The following ARHGAP10 variants were observed in gnomAD, a reference collection of about 807,000 sequenced individuals.
ARHGAP10 encodes the protein rho GTPase-activating protein 10.
Under a neutral mutation model 108.6 loss-of-function variants are expected in ARHGAP10, and 87 were observed. The observed-to-expected ratio is 0.80, with a 90% CI of 0.67 to 0.96. The LOEUF (loss-of-function observed/expected upper bound fraction) is 0.96, where lower values mean the gene tolerates loss of function less well. ARHGAP10 is among the 40% of genes least tolerant of loss of function. The pLI is 0.00. For missense variants in ARHGAP10, 939 were observed against 954.5 expected (o/e 0.98, Z 0.21); for synonymous variants, 347 against 341.1 (o/e 1.02, Z -0.19).
intron 13 of ARHGAP10, among the ~76,000 whole-genome samples, chr4:147,930,202 G>C (rs566263468): frequency 1.3e-5 from 2 of 152,214 alleles, no homozygotes; most frequent in African/African-American, 2.4e-5. Context: ...TATTTCTGTA[G>C]AATCATACGG....
intron 10 of ARHGAP10, among the ~76,000 whole-genome samples, chr4:147,898,839 G>C (rs1401335714): frequency 7.0e-6 from 1 of 142,882 alleles, no homozygotes; most frequent in African/African-American, 2.5e-5. Context: ...GGTGGGGTGG[G>C]ATGGGTTGAG....
intron 13 of ARHGAP10, among the ~76,000 whole-genome samples, chr4:147,914,556 T>TCCCC (rs33937677): frequency 4.2e-5 from 5 of 120,120 alleles, no homozygotes; most frequent in African/African-American, 9.5e-5. Context: ...TGTTCTGCGC[T>TCCCC]CCCCCCCCCC....
intron 20 of ARHGAP10, 29 bp downstream of exon 20, chr4:148,047,080 G>A (rs376124857): frequency 2.6e-5 from 42 of 1,610,786 alleles, no homozygotes; most frequent in Middle Eastern, 3.3e-4. Context: ...GTTGGGTGCT[G>A]AAGGGTGGAA....
chr4:147,873,752 G>A (rs1041493130), intron 7 of ARHGAP10, among the ~76,000 whole-genome samples: 1 of 132,802 alleles, frequency 7.5e-6, no homozygotes, highest in Non-Finnish European at 1.7e-5. Context: ...GTGTGCGCCT[G>A]TAGTCCCAGT....
chr4:147,847,358 C>CA (rs1733677593), intron 4 of ARHGAP10, 136 bp downstream of exon 4: 2 of 817,548 alleles, frequency 2.4e-6, no homozygotes, highest in Non-Finnish European at 3.8e-6. Flanking sequence ...TGTGCTTTTC[C>CA]CCCTTTGGGG....
intron 18 of ARHGAP10, among the ~76,000 whole-genome samples, chr4:148,006,480 T>C (rs2149650194): frequency 6.6e-6 from 1 of 152,312 alleles, no homozygotes; most frequent in Non-Finnish European, 1.5e-5. Flanking sequence ...CATGCCCACA[T>C]TCCCAAGCCA....
chr4:147,956,038 T>A (rs922728419), intron 16 of ARHGAP10, among the ~76,000 whole-genome samples: 1 of 152,160 alleles, frequency 6.6e-6, no homozygotes, highest in African/African-American at 2.4e-5. Flanking sequence ...CATAGTCTTC[T>A]GAAGTACACT....
At chr4:147,766,098 T>C (rs1560746230) in intron 1 of ARHGAP10, among the ~76,000 whole-genome samples, 1 of 152,052 alleles carries the variant, frequency 6.6e-6, no homozygotes, top group Admixed American at 6.6e-5. Context: ...CTGGCCAACA[T>C]GGTGAAACCC....
chr4:147,938,821 C>T (rs1738051870), intron 13 of ARHGAP10, among the ~76,000 whole-genome samples: 1 of 152,180 alleles, frequency 6.6e-6, no homozygotes, highest in Admixed American at 6.5e-5. Flanking sequence ...AAAATAAACA[C>T]ACAGCCAGAA....
In ARHGAP10 at chr4:147,881,946, A is replaced by C; in HGVS notation, c.1034+14A>C. ...AGCTGCTGATCGGTAAGTTATTGGA[A>C]TTATTGGACATGGTGAAAGAGTCGT... On this transcript the variant is annotated intron_variant, in intron 10 of 22. Transcript: ENST00000336498. 1 of 1,609,288 alleles carries C rather than the reference A, an allele frequency of 6.2e-7. No homozygotes were observed. The highest frequency in any genetic ancestry group is 8.5e-7 in the Non-Finnish European group (1 of 1,177,492).
intron 4 of ARHGAP10, among the ~76,000 whole-genome samples, chr4:147,856,147 T>G (rs1734074193): frequency 6.6e-6 from 1 of 152,218 alleles, no homozygotes; most frequent in Non-Finnish European, 1.5e-5. Flanking sequence ...ATCTGTCAAG[T>G]TGGCTGACAG....
intron 18 of ARHGAP10, among the ~76,000 whole-genome samples, chr4:147,995,792 C>T (rs532967927): frequency 3.7e-4 from 56 of 152,248 alleles, no homozygotes; most frequent in Non-Finnish European, 6.2e-4. Context: ...TCTCTGCTCA[C>T]TGCGAGCTTC....
In ARHGAP10 at chr4:147,774,908, A is replaced by ATT. The variant is rs879445853; in HGVS notation, c.154+42467_154+42468dup. Among the ~76,000 whole-genome samples, 128 of 138,476 alleles carry ATT rather than the reference A, an allele frequency of 9.2e-4. 1 individual carries two copies. Among genetic ancestry groups the ATT allele is most frequent in the Middle Eastern group, 3.7e-3 (1 of 270 alleles). 90.8% of individuals were successfully genotyped at this position (138,476 alleles called of 152,430 possible). A position where few individuals can be genotyped will look rare whatever the true frequency, so the allele number is the denominator to read the frequency against. On this transcript the variant is annotated intron_variant, in intron 1 of 22. Transcript: ENST00000336498. Reference sequence around the variant, plus strand: ...GCCACAGCCCTTTCCTCCTTGATGTATTTTTTTTTTTTTTTGAGACGGAGT... The same window carrying ATT: ...GCCACAGCCCTTTCCTCCTTGATGTATTTTTTTTTTTTTTTTTGAGACGGAGT...
chr4:147,993,262 C>G (rs1185624364), intron 18 of ARHGAP10, among the ~76,000 whole-genome samples: 1 of 152,170 alleles, frequency 6.6e-6, no homozygotes, highest in Non-Finnish European at 1.5e-5. Context: ...GATCTGTACT[C>G]TGCCTGGAAT....
rs146557839 is a variant in ARHGAP10, at chr4:147,979,207, C to G, written c.1716+12368C>G. Among the ~76,000 whole-genome samples, 250 of 152,266 alleles carry G rather than the reference C, an allele frequency of 1.6e-3. 1 individual carries two copies. Among genetic ancestry groups the G allele is most frequent in the African/African-American group, 5.4e-3 (226 of 41,546 alleles). On this transcript the variant is annotated intron_variant, in intron 18 of 22. Coordinates refer to ENST00000336498, the MANE Select transcript of ARHGAP10 (RefSeq NM_024605.4). Reference sequence around the variant, plus strand: ...GAAGTCTTACATTCAAGTCTTGACTCCATCTTTAGTTAATTTATTGTATAT... The same window carrying G: ...GAAGTCTTACATTCAAGTCTTGACTGCATCTTTAGTTAATTTATTGTATAT...
chr4:148,064,906 G>A (rs1294183215), intron 22 of ARHGAP10, among the ~76,000 whole-genome samples: 1 of 152,170 alleles, frequency 6.6e-6, no homozygotes, highest in Non-Finnish European at 1.5e-5. Flanking sequence ...AGTCAACAGA[G>A]GATACTACTG....
At chr4:147,733,417 CT>C (rs1728302577) in intron 1 of ARHGAP10, among the ~76,000 whole-genome samples, 2 of 152,174 alleles carry the variant, frequency 1.3e-5, no homozygotes, top group Admixed American at 1.3e-4. Flanking sequence ...TGAATGTCCC[CT>C]TTCCCCCTTT....
At chr4:148,014,506 A>T (rs541921502) in intron 18 of ARHGAP10, among the ~76,000 whole-genome samples, 1 of 152,328 alleles carries the variant, frequency 6.6e-6, no homozygotes, top group South Asian at 2.1e-4. Context: ...CCTGATATAG[A>T]TGGGGAGAAA....
chr4:147,834,314 G>A (rs946683869), intron 3 of ARHGAP10, among the ~76,000 whole-genome samples: 4 of 151,852 alleles, frequency 2.6e-5, no homozygotes, highest in Non-Finnish European at 4.4e-5. Flanking sequence ...GCAGGGGCAG[G>A]GGGAAGCCAG....
Sources: gnomAD v4.1 joint callset for allele counts (sites outside exome capture counted in the v4.1 genomes callset) on GRCh38, gnomAD v4.1.1 for gene constraint, MANE v1.5 for transcripts, NCBI Gene and HGNC (gene_info 2026-07-23, HGNC 2026-07-21) for gene names.